FRMD4A: variants seen among roughly 807,000 people sequenced by gnomAD.
The protein encoded by FRMD4A is FERM domain-containing protein 4A.
Under a neutral mutation model 129.1 loss-of-function variants are expected in FRMD4A, and 29 were observed. The ratio of observed to expected loss-of-function variants is 0.22; its 90% CI spans 0.17 to 0.31. The LOEUF is 0.31. Ranked by LOEUF, FRMD4A falls within the 10% of genes least tolerant of loss-of-function variation. The probability of loss-of-function intolerance (pLI) is 1.00; values close to 1 mark genes in which losing one functional copy is unlikely to be tolerated. For synonymous variants in FRMD4A, 634 were observed against 571.6 expected (o/e 1.11, Z -1.56); for missense variants, 1,272 against 1,375.8 (o/e 0.92, Z 1.19).
chr10:13,687,275 G>A (rs889148817), intron 15 of FRMD4A, among the ~76,000 whole-genome samples: 39 of 152,136 alleles, frequency 2.6e-4, no homozygotes, highest in Non-Finnish European at 3.7e-4. Flanking sequence ...CAGCCTGGGC[G>A]ACAGAGCAAG....
At chr10:13,777,397 G>A (rs1342945344) in intron 6 of FRMD4A, among the ~76,000 whole-genome samples, 1 of 152,078 alleles carries the variant, frequency 6.6e-6, no homozygotes, top group Non-Finnish European at 1.5e-5. Flanking sequence ...ATCACAGGAG[G>A]GAGACAGGGG....
In FRMD4A at chr10:13,714,027, C is replaced by CATATATATAAAATATATAATATAT. The variant is rs1554858885; in HGVS notation, c.760-6915_760-6914insATATATTATATATTTTATATATAT. On this transcript the variant is annotated intron_variant, in intron 12 of 24. Coordinates refer to ENST00000357447, the MANE Select transcript of FRMD4A (RefSeq NM_018027.5). ...ATATAATATACATATATAAAATATA[C>CATATATATAAAATATATAATATAT]ATATATATATATATATATATATATA... Among the ~76,000 whole-genome samples, 55 of 31,164 alleles carry CATATATATAAAATATATAATATAT rather than the reference C, an allele frequency of 1.8e-3. 11 individuals are homozygous for CATATATATAAAATATATAATATAT. The East Asian group carries it at 0.032, about 18-fold the overall frequency. The allele number at this position is 31,164 out of a possible 152,430, so 20.4% of individuals were successfully genotyped here. A position where few individuals can be genotyped will look rare whatever the true frequency, so the allele number is the denominator to read the frequency against.
At chr10:13,976,518 C>G (rs554904453) in intron 2 of FRMD4A, among the ~76,000 whole-genome samples, 1 of 151,086 alleles carries the variant, frequency 6.6e-6, no homozygotes, top group East Asian at 2.0e-4. Context: ...CCCAGACCCT[C>G]GTTCACTGCT....
At chr10:13,651,725 A>G (rs58861783) in intron 24 of FRMD4A, 178 bp downstream of exon 24, 14,646 of 611,162 alleles carry the variant, frequency 0.024, 799 homozygotes, top group African/African-American at 0.14. Flanking sequence ...TAGGAATATC[A>G]TAATTTTGAT....
At chr10:13,852,108 C>T (rs2094147362) in intron 3 of FRMD4A, among the ~76,000 whole-genome samples, 1 of 151,916 alleles carries the variant, frequency 6.6e-6, no homozygotes, top group African/African-American at 2.4e-5. Context: ...GAAACCATAC[C>T]TCCCACACCC....
At chr10:13,868,903 T>G (rs1285918119) in intron 2 of FRMD4A, among the ~76,000 whole-genome samples, 2 of 152,330 alleles carry the variant, frequency 1.3e-5, no homozygotes, top group Non-Finnish European at 2.9e-5. Context: ...TGAGTGGCTC[T>G]ATTAGAAACA....
At chr10:14,302,981 A>G (rs1440105131) in intron 2 of FRMD4A, among the ~76,000 whole-genome samples, 1 of 152,188 alleles carries the variant, frequency 6.6e-6, no homozygotes, top group African/African-American at 2.4e-5. Context: ...GGGAAACAAG[A>G]CATTGAAAAG....
chr10:14,208,069 C>T (rs1312871180), intron 2 of FRMD4A, among the ~76,000 whole-genome samples: 5 of 151,926 alleles, frequency 3.3e-5, no homozygotes, highest in African/African-American at 4.8e-5. Flanking sequence ...TGGTGGTGTG[C>T]GCCTGTTCTC....
chr10:14,208,446 C>T (rs887036571), intron 2 of FRMD4A, among the ~76,000 whole-genome samples: 4 of 152,074 alleles, frequency 2.6e-5, no homozygotes, highest in Non-Finnish European at 2.9e-5. Flanking sequence ...TTATCTACCG[C>T]GTGGATGCTG....
At chr10:14,226,582 GC>G (rs1412250182) in intron 2 of FRMD4A, among the ~76,000 whole-genome samples, 4 of 152,106 alleles carry the variant, frequency 2.6e-5, no homozygotes, top group Non-Finnish European at 2.9e-5. Flanking sequence ...CTGGTAGATG[GC>G]CATCTTCTCC....
At chr10:13,954,836 G>A (rs2095399047) in intron 2 of FRMD4A, among the ~76,000 whole-genome samples, 1 of 152,110 alleles carries the variant, frequency 6.6e-6, no homozygotes, top group Admixed American at 6.5e-5. Flanking sequence ...TTTGGTGCAG[G>A]GTCTTCTCTC....
intron 2 of FRMD4A, among the ~76,000 whole-genome samples, chr10:14,258,598 G>A (rs976067777): frequency 2.6e-5 from 4 of 152,310 alleles, no homozygotes; most frequent in South Asian, 2.1e-4. Flanking sequence ...TGCACCACAG[G>A]TGAAAATGTA....
At chr10:13,707,599 A>G in intron 12 of FRMD4A, 1 of 988,692 alleles carries the variant, frequency 1.0e-6, no homozygotes, top group Non-Finnish European at 1.2e-6. Context: ...TGAAATGGGA[A>G]GGCGTTCAAA....
chr10:13,886,110 T>G (rs995295948), intron 2 of FRMD4A, among the ~76,000 whole-genome samples: 2 of 152,174 alleles, frequency 1.3e-5, no homozygotes, highest in African/African-American at 4.8e-5. Flanking sequence ...CCCAGGCATG[T>G]GGCGAGAGCG....
At chr10:13,832,225 A>G (rs960511008) in intron 3 of FRMD4A, among the ~76,000 whole-genome samples, 3 of 152,084 alleles carry the variant, frequency 2.0e-5, no homozygotes, top group Non-Finnish European at 4.4e-5. Flanking sequence ...CACTCTTCCA[A>G]GCTGCATCCC....
intron 2 of FRMD4A, among the ~76,000 whole-genome samples, chr10:14,252,076 A>G (rs1564418484): frequency 6.6e-6 from 1 of 152,224 alleles, no homozygotes; most frequent in Non-Finnish European, 1.5e-5. Flanking sequence ...GAAAAGTTTC[A>G]AGAATAGAAA....
At chr10:14,138,382 G>T in intron 2 of FRMD4A, among the ~76,000 whole-genome samples, 1 of 152,262 alleles carries the variant, frequency 6.6e-6, no homozygotes, top group East Asian at 1.9e-4. Context: ...TGAAGTAAAG[G>T]TTTGATGGCA....
intron 2 of FRMD4A, among the ~76,000 whole-genome samples, chr10:14,068,055 G>A (rs1403178325): frequency 6.6e-6 from 1 of 152,184 alleles, no homozygotes; most frequent in Non-Finnish European, 1.5e-5. Context: ...CAGTAGAAGT[G>A]TATTTTATTA....
intron 2 of FRMD4A, among the ~76,000 whole-genome samples, chr10:14,102,318 G>A (rs927678844): frequency 9.9e-5 from 15 of 152,200 alleles, no homozygotes; most frequent in Non-Finnish European, 5.9e-5. Context: ...CTTGATGACA[G>A]GGCTTTGAAA....
Sources: gnomAD v4.1 joint callset for allele counts (sites outside exome capture counted in the v4.1 genomes callset) on GRCh38, gnomAD v4.1.1 for gene constraint, MANE v1.5 for transcripts, NCBI Gene and HGNC (gene_info 2026-07-23, HGNC 2026-07-21) for gene names.